The following IRAK1BP1 variants were observed in gnomAD, a reference collection of about 807,000 sequenced individuals.
IRAK1BP1 encodes the protein interleukin-1 receptor-associated kinase 1-binding protein 1.
IRAK1BP1 carries 24 observed loss-of-function variants against 28.0 expected under a neutral mutation model. The ratio of observed to expected loss-of-function variants is 0.86; its 90% CI spans 0.62 to 1.20. The LOEUF (loss-of-function observed/expected upper bound fraction) is 1.20, where lower values mean the gene tolerates loss of function less well. Ranked by LOEUF, IRAK1BP1 falls within the 50% of genes most tolerant of loss-of-function variation. The pLI is 0.00. For synonymous variants in IRAK1BP1, 131 were observed against 116.3 expected (o/e 1.13, Z -0.81); for missense variants, 336 against 316.7 (o/e 1.06, Z -0.46).
At chr6:78,963,020 TG>T in the IRAK1BP1 span, 1 of 1,367,928 alleles carries the variant, frequency 7.3e-7, no homozygotes, top group Non-Finnish European at 9.8e-7. Flanking sequence ...AAAAAATTTT[TG>T]TTGGAGAATA....
the IRAK1BP1 span, among the ~76,000 whole-genome samples, chr6:78,965,111 TATTATC>T: frequency 6.6e-6 from 1 of 152,220 alleles, no homozygotes; most frequent in Non-Finnish European, 1.5e-5. Context: ...ATGACAGTTA[TATTATC>T]ATTATTAATT....
the IRAK1BP1 span, chr6:78,957,590 A>C: frequency 4.6e-5 from 7 of 151,970 alleles, no homozygotes; most frequent in East Asian, 9.6e-4. Context: ...AAAAAAAAAA[A>C]AAAAACTGAA....
the IRAK1BP1 span, chr6:78,978,613 A>T: frequency 6.3e-7 from 1 of 1,592,844 alleles, no homozygotes; most frequent in Non-Finnish European, 8.6e-7. Flanking sequence ...TCTGTGGCAC[A>T]AATGGACATC....
intron 2 of IRAK1BP1, among the ~76,000 whole-genome samples, chr6:78,893,683 AT>A (rs1200105437): frequency 1.3e-5 from 2 of 152,104 alleles, no homozygotes; most frequent in African/African-American, 2.4e-5. Context: ...AGGTGGGTGG[AT>A]CACCTGACGT....
At chr6:78,932,643 T>G (rs1773091068) in intron 4 of IRAK1BP1, among the ~76,000 whole-genome samples, 1 of 152,078 alleles carries the variant, frequency 6.6e-6, no homozygotes, top group South Asian at 2.1e-4. Context: ...GGTCTTGAAC[T>G]CCTGACCTCA....
At position 78,903,026 on chromosome 6, in the gene IRAK1BP1, AC is replaced by A; in HGVS notation, c.*4693del. ...GAATCCTTCTTCAACATCCCAACCA[AC>A]AATTACTCCCAGATAGCCATGTCAC... On this transcript the variant is annotated 3_prime_UTR_variant, in exon 4 of 4. Coordinates refer to ENST00000369940, the MANE Select transcript of IRAK1BP1 (RefSeq NM_001010844.4). 1.3e-6 allele frequency: 2 copies of A among 1,525,746 alleles called. No individual in the cohort carries two copies. Among genetic ancestry groups the A allele is most frequent in the Non-Finnish European group, 1.8e-6 (2 of 1,140,784 alleles). The allele number at this position is 1,525,746 out of a possible 1,614,324, so 94.5% of individuals were successfully genotyped here.
chr6:78,946,025 C>T (rs1323164298), exon 5 of IRAK1BP1: 3 of 1,609,662 alleles, frequency 1.9e-6, no homozygotes, highest in Non-Finnish European at 2.6e-6. Flanking sequence ...ATTGCAGATG[C>T]ATTAGCTTTT....
chr6:78,872,086 A>G (rs573655878), intron 1 of IRAK1BP1: 20 of 700,120 alleles, frequency 2.9e-5, no homozygotes, highest in South Asian at 2.7e-4. Context: ...AGGGAAATGA[A>G]TGGAAAGAGA....
chr6:78,970,797 T>G, the IRAK1BP1 span: 1 of 1,606,344 alleles, frequency 6.2e-7, no homozygotes, highest in East Asian at 2.2e-5. Flanking sequence ...CTCCATTTTA[T>G]GCCATGGTTG....
At chr6:78,963,370 T>C in the IRAK1BP1 span, 22 of 681,502 alleles carry the variant, frequency 3.2e-5, no homozygotes, top group Non-Finnish European at 4.6e-5. Context: ...GATTTGTAAA[T>C]ATACTCTTTA....
chr6:78,975,599 T>C, the IRAK1BP1 span, among the ~76,000 whole-genome samples: 1 of 152,160 alleles, frequency 6.6e-6, no homozygotes, highest in South Asian at 2.1e-4. Context: ...TGTTTGCAGA[T>C]GACATGATTG....
At chr6:78,873,469 A>T (rs979440606) in intron 1 of IRAK1BP1, among the ~76,000 whole-genome samples, 1 of 151,868 alleles carries the variant, frequency 6.6e-6, no homozygotes, top group South Asian at 2.1e-4. Flanking sequence ...CTTCTCAAGC[A>T]TAAAGCTATA....
the IRAK1BP1 span, among the ~76,000 whole-genome samples, chr6:78,972,543 G>A: frequency 3.4e-4 from 52 of 152,342 alleles, 1 homozygote; most frequent in Non-Finnish European, 6.5e-4. Flanking sequence ...ACTTTGATGA[G>A]CTGAGAGAAG....
At chr6:78,976,718 C>T in the IRAK1BP1 span, among the ~76,000 whole-genome samples, 36,457 of 143,970 alleles carry the variant, frequency 0.25, 4,847 homozygotes, top group Non-Finnish European at 0.3. Context: ...GGGCGAAGGA[C>T]ATGAACAGAC....
chr6:78,914,981 C>T (rs560335793), intron 4 of IRAK1BP1, among the ~76,000 whole-genome samples: 15 of 151,044 alleles, frequency 9.9e-5, no homozygotes, highest in South Asian at 2.1e-4. Flanking sequence ...CCACCATGCC[C>T]GGCTAATTTT....
intron 4 of IRAK1BP1, among the ~76,000 whole-genome samples, chr6:78,912,194 A>T (rs912199724): frequency 6.6e-6 from 1 of 152,010 alleles, no homozygotes; most frequent in Non-Finnish European, 1.5e-5. Context: ...TTCCTGGAAA[A>T]GTTTGATGAT....
chr6:78,948,856 T>G (rs1773978394), downstream of IRAK1BP1, among the ~76,000 whole-genome samples: 1 of 152,244 alleles, frequency 6.6e-6, no homozygotes. Context: ...AACTTGACTT[T>G]GCACCATCAA....
At chr6:78,953,642 T>A in the IRAK1BP1 span, among the ~76,000 whole-genome samples, 1 of 152,170 alleles carries the variant, frequency 6.6e-6, no homozygotes, top group Admixed American at 6.5e-5. Context: ...TAACATTCTA[T>A]GTTTCTGGCA....
the IRAK1BP1 span, chr6:78,955,695 G>T: frequency 1.2e-6 from 1 of 856,344 alleles, no homozygotes; most frequent in Non-Finnish European, 1.9e-6. Context: ...ACATAACAAG[G>T]AAATGTTAAC....
Sources: allele counts gnomAD v4.1 joint callset (sites outside exome capture counted in the v4.1 genomes callset), GRCh38; gene constraint gnomAD v4.1.1; transcripts MANE v1.5; gene names NCBI Gene and HGNC (gene_info 2026-07-23, HGNC 2026-07-21).